The following LIMCH1 variants were observed in gnomAD, a reference collection of about 807,000 sequenced individuals.
LIMCH1 encodes the protein LIM and calponin homology domains-containing protein 1.
LIMCH1 carries 113 observed loss-of-function variants against 176.5 expected under a neutral mutation model. The observed-to-expected ratio is 0.64, with a 90% confidence interval of 0.55 to 0.75. The LOEUF (loss-of-function observed/expected upper bound fraction) is 0.75. Among genes scored for constraint, LIMCH1 ranks in the 30% least tolerant of loss-of-function variants. The probability of loss-of-function intolerance (pLI) is 0.00; values close to 1 mark genes in which losing one functional copy is unlikely to be tolerated. For missense variants in LIMCH1, 1,674 were observed against 1,814.9 expected, an observed-to-expected ratio of 0.92 and a Z score of 1.41; for synonymous variants, 619 against 645.9, an observed-to-expected ratio of 0.96 and a Z score of 0.63.
intron 1 of LIMCH1, among the ~76,000 whole-genome samples, chr4:41,382,694 C>T (rs1483215426): frequency 1.3e-5 from 2 of 152,216 alleles, no homozygotes; most frequent in South Asian, 2.1e-4. Context: ...TCCCTCTTCT[C>T]GAGTGTTGCT....
chr4:41,622,832 A>G (rs1210335816), intron 7 of LIMCH1, among the ~76,000 whole-genome samples: 1 of 152,200 alleles, frequency 6.6e-6, no homozygotes, highest in Non-Finnish European at 1.5e-5. Context: ...AGAAGTTTGC[A>G]GGTCAGTTAA....
chr4:41,389,502 C>G (rs1271095401), intron 1 of LIMCH1: 1 of 179,050 alleles, frequency 5.6e-6, no homozygotes, highest in Non-Finnish European at 1.2e-5. Flanking sequence ...TGGGGACTGC[C>G]CCGTCTGTGG....
intron 1 of LIMCH1, among the ~76,000 whole-genome samples, chr4:41,426,052 C>G (rs1420971947): frequency 7.8e-6 from 1 of 127,480 alleles, no homozygotes; most frequent in African/African-American, 3.0e-5. Flanking sequence ...GACGGAGTCT[C>G]GCTCTGTCGC....
In LIMCH1 at chr4:41,691,279, C is replaced by G. The variant is rs539862112; in HGVS notation, c.4276-1003C>G. On this transcript the variant is annotated intron_variant, in intron 30 of 31. Transcript: ENST00000503057. ...TTAGAGCATGAATTAGGGGCTAGAT[C>G]CTGGTCCCCCTGCAAGAGGCTGGCA... 2.6e-5 allele frequency among the ~76,000 whole-genome samples: 4 copies of G among 152,230 alleles called. No homozygotes were observed. The South Asian group carries it at 8.3e-4, about 32-fold the overall frequency.
At chr4:41,392,351 C>T (rs1488190975) in intron 1 of LIMCH1, among the ~76,000 whole-genome samples, 1 of 152,010 alleles carries the variant, frequency 6.6e-6, no homozygotes, top group Non-Finnish European at 1.5e-5. Context: ...AGATGTCCTC[C>T]CTAAGAAGAT....
At chr4:41,544,038 A>T (rs137863685) in intron 1 of LIMCH1, among the ~76,000 whole-genome samples, 140 of 152,318 alleles carry the variant, frequency 9.2e-4, no homozygotes, top group African/African-American at 3.0e-3. Flanking sequence ...AAATAACATG[A>T]CAAACTCTTT....
intron 9 of LIMCH1, 80 bp downstream of exon 9, chr4:41,629,814 T>A: frequency 7.1e-7 from 1 of 1,406,236 alleles, no homozygotes; most frequent in Non-Finnish European, 9.3e-7. Context: ...TATCTTTGTG[T>A]CTTTTTTTTT....
chr4:41,396,448 C>A (rs900119646), intron 1 of LIMCH1, among the ~76,000 whole-genome samples: 1 of 152,160 alleles, frequency 6.6e-6, no homozygotes, highest in Non-Finnish European at 1.5e-5. Flanking sequence ...CCCTTCCCAG[C>A]CCAACAAGAT....
chr4:41,542,457 A>T (rs2078797570), intron 1 of LIMCH1, among the ~76,000 whole-genome samples: 2 of 152,058 alleles, frequency 1.3e-5, no homozygotes, highest in Admixed American at 1.3e-4. Context: ...TGTGAATTTA[A>T]CAGTAAAAAC....
chr4:41,697,484 T>C lies in LIMCH1; in HGVS notation c.*299T>C. On this transcript the variant is annotated 3_prime_UTR_variant, in exon 32 of 32. Coordinates refer to ENST00000503057, the MANE Select transcript of LIMCH1 (RefSeq NM_001330672.2). ...GGTCAAACAGGCTTATGGTTTAAAA[T>C]GTGTTATTCTCTTCTTTGGGAATTA... is the stretch of plus-strand genomic sequence containing the variant. 1 of 362,028 alleles carries C rather than the reference T, an allele frequency of 2.8e-6. No individual in the cohort carries two copies. The highest frequency in any genetic ancestry group is 4.1e-5 in the East Asian group (1 of 24,324). 22.4% of individuals were successfully genotyped at this position (362,028 alleles called of 1,614,324 possible).
chr4:41,451,103 A>G (rs1057422544), intron 1 of LIMCH1, among the ~76,000 whole-genome samples: 7 of 152,104 alleles, frequency 4.6e-5, no homozygotes, highest in Non-Finnish European at 7.4e-5. Context: ...CTAAAAGGGT[A>G]ATTATTTTAT....
At chr4:41,376,103 G>T (rs12651688) in intron 1 of LIMCH1, among the ~76,000 whole-genome samples, 4,863 of 152,190 alleles carry the variant, frequency 0.032, 143 homozygotes, top group East Asian at 0.13. Context: ...TTCCCCAAAG[G>T]TATCTCTTTT....
chr4:41,566,884 G>A (rs1284978183), intron 1 of LIMCH1, among the ~76,000 whole-genome samples: 2 of 152,184 alleles, frequency 1.3e-5, no homozygotes, highest in Admixed American at 6.5e-5. Flanking sequence ...CCACTTCCTT[G>A]TTACTGAAGT....
intron 1 of LIMCH1, among the ~76,000 whole-genome samples, chr4:41,392,132 G>T (rs1005876175): frequency 6.6e-6 from 1 of 152,098 alleles, no homozygotes. Context: ...TTTCTTAATA[G>T]GTATTTAACA....
chr4:41,477,456 G>A (rs546983100), intron 1 of LIMCH1, among the ~76,000 whole-genome samples: 2 of 152,140 alleles, frequency 1.3e-5, no homozygotes, highest in Non-Finnish European at 1.5e-5. Context: ...CTACCACACC[G>A]GGTGCTGAGG....
At chr4:41,531,530 C>T (rs2077314161) in intron 3 of LIMCH1, among the ~76,000 whole-genome samples, 1 of 138,474 alleles carries the variant, frequency 7.2e-6, no homozygotes, top group Admixed American at 7.1e-5. Context: ...ACACCTTATA[C>T]TTGCCAACTC....
chr4:41,585,272 G>T (rs928280061), intron 1 of LIMCH1, among the ~76,000 whole-genome samples: 1 of 152,114 alleles, frequency 6.6e-6, no homozygotes, highest in Non-Finnish European at 1.5e-5. Context: ...ACTACTCTAA[G>T]TACCTCATGT....
intron 2 of LIMCH1, among the ~76,000 whole-genome samples, chr4:41,500,051 G>A (rs915189431): frequency 9.9e-5 from 15 of 152,196 alleles, no homozygotes; most frequent in African/African-American, 2.9e-4. Context: ...GCAAGACCAC[G>A]TGGGTGATGT....
chr4:41,540,780 G>A (rs1429370219), intron 1 of LIMCH1, among the ~76,000 whole-genome samples: 1 of 152,168 alleles, frequency 6.6e-6, no homozygotes, highest in Non-Finnish European at 1.5e-5. Context: ...ATTGCCAAGA[G>A]TTATTGAACT....
Sources: gnomAD v4.1 joint callset for allele counts (sites outside exome capture counted in the v4.1 genomes callset) on GRCh38, gnomAD v4.1.1 for gene constraint, MANE v1.5 for transcripts, NCBI Gene and HGNC (gene_info 2026-07-23, HGNC 2026-07-21) for gene names.